GIGYF2: variants seen among roughly 807,000 people sequenced by gnomAD.
GIGYF2 encodes GRB10-interacting GYF protein 2.
In GIGYF2, 25 loss-of-function variants were observed where a neutral mutation model predicts 208.1. The ratio of observed to expected loss-of-function variants is 0.12; its 90% confidence interval spans 0.09 to 0.17. The LOEUF is 0.17. Ranked by LOEUF, GIGYF2 falls within the 10% of genes least tolerant of loss-of-function variation. The probability of loss-of-function intolerance (pLI) is 1.00; values close to 1 mark genes in which losing one functional copy is unlikely to be tolerated. For synonymous variants in GIGYF2, 534 were observed against 543.8 expected (o/e 0.98, Z 0.25); for missense variants, 1,302 against 1,579.4 (o/e 0.82, Z 2.98).
intron 19 of GIGYF2, among the ~76,000 whole-genome samples, 174 bp from the exon 20 acceptor site, chr2:232,816,697 T>G (rs1414307024): frequency 6.6e-6 from 1 of 152,218 alleles, no homozygotes; most frequent in African/African-American, 2.4e-5. Flanking sequence ...AGTATTAATA[T>G]TCCATTGTAT....
At chr2:232,700,114 C>T (rs1278043869) in intron 1 of GIGYF2, among the ~76,000 whole-genome samples, 1 of 152,108 alleles carries the variant, frequency 6.6e-6, no homozygotes, top group Non-Finnish European at 1.5e-5. Context: ...ATGTGAAAAA[C>T]ACTTTGGAGT....
chr2:232,807,370 G>A (rs1028100667), intron 15 of GIGYF2, among the ~76,000 whole-genome samples: 1 of 152,048 alleles, frequency 6.6e-6, no homozygotes, highest in Admixed American at 6.6e-5. Context: ...TCTACAAATA[G>A]TAATGAAATA....
intron 14 of GIGYF2, among the ~76,000 whole-genome samples, chr2:232,803,162 A>G (rs1222863478): frequency 6.6e-6 from 1 of 152,206 alleles, no homozygotes; most frequent in East Asian, 1.9e-4. Flanking sequence ...AACTGCTGGG[A>G]TTACTGGCGT....
intron 2 of GIGYF2, among the ~76,000 whole-genome samples, chr2:232,704,804 A>G (rs888958359): frequency 1.3e-5 from 2 of 151,366 alleles, no homozygotes; most frequent in Non-Finnish European, 2.9e-5. Context: ...TTCATGTGGA[A>G]AATTTCATTG....
intron 21 of GIGYF2, among the ~76,000 whole-genome samples, chr2:232,826,712 T>C (rs961241812): frequency 5.3e-5 from 8 of 152,234 alleles, no homozygotes; most frequent in African/African-American, 1.9e-4. Flanking sequence ...CATCAAAAAG[T>C]GGGCAAAGGA....
chr2:232,781,700 A>T (rs1170630727), intron 8 of GIGYF2, among the ~76,000 whole-genome samples: 2 of 152,112 alleles, frequency 1.3e-5, no homozygotes, highest in Non-Finnish European at 2.9e-5. Context: ...CCACCCTTTT[A>T]GCTTGTTATA....
intron 8 of GIGYF2, among the ~76,000 whole-genome samples, chr2:232,763,986 A>G (rs1308356706): frequency 1.3e-5 from 2 of 152,268 alleles, no homozygotes; most frequent in Non-Finnish European, 2.9e-5. Context: ...TCATTTATTC[A>G]TTCAACAAAT....
At chr2:232,814,404 TAAA>T (rs961830265) in intron 18 of GIGYF2, among the ~76,000 whole-genome samples, 1 of 150,242 alleles carries the variant, frequency 6.7e-6, no homozygotes, top group Admixed American at 6.6e-5. Context: ...CTACTAAAAA[TAAA>T]AAAAAATTAG....
chr2:232,787,429 T>G, intron 9 of GIGYF2, 100 bp downstream of exon 9: 1 of 981,150 alleles, frequency 1.0e-6, no homozygotes, highest in Non-Finnish European at 1.6e-6. Flanking sequence ...TTAAAAAATG[T>G]GGGGGTGGAT....
chr2:232,836,822 A>C (rs1479897673), intron 22 of GIGYF2, among the ~76,000 whole-genome samples: 1 of 152,028 alleles, frequency 6.6e-6, no homozygotes, highest in Non-Finnish European at 1.5e-5. Flanking sequence ...GTTTCTGAAA[A>C]CACCATTAGG....
At chr2:232,848,383 C>G (rs954270985) in intron 27 of GIGYF2, among the ~76,000 whole-genome samples, 1 of 152,198 alleles carries the variant, frequency 6.6e-6, no homozygotes, top group African/African-American at 2.4e-5. Context: ...TGTCCGTAAT[C>G]CCAGCACTTT....
At chr2:232,774,527 A>G (rs1235735947) in intron 8 of GIGYF2, among the ~76,000 whole-genome samples, 2 of 152,226 alleles carry the variant, frequency 1.3e-5, no homozygotes, top group Non-Finnish European at 2.9e-5. Flanking sequence ...AGACAATTTT[A>G]CAAGTATAAT....
intron 18 of GIGYF2, among the ~76,000 whole-genome samples, chr2:232,813,002 G>GAA (rs796832468): frequency 1.6e-5 from 2 of 126,882 alleles, no homozygotes; most frequent in African/African-American, 5.6e-5. Context: ...CTCTAAGAAA[G>GAA]AAAAAAAAAA....
chr2:232,805,939 C>T (rs764966793), intron 14 of GIGYF2, among the ~76,000 whole-genome samples: 3 of 152,108 alleles, frequency 2.0e-5, no homozygotes, highest in Non-Finnish European at 2.9e-5. Context: ...GGTTTTTAAT[C>T]AGAGTGAATT....
intron 28 of GIGYF2, among the ~76,000 whole-genome samples, chr2:232,852,167 A>G (rs1172933388): frequency 1.3e-5 from 2 of 152,336 alleles, no homozygotes; most frequent in Middle Eastern, 3.4e-3. Context: ...TACCCTTGGT[A>G]GGATTCTCTC....
chr2:232,716,374 G>GTTTTTTTTTT (rs397988241), intron 2 of GIGYF2, among the ~76,000 whole-genome samples: 41 of 100,262 alleles, frequency 4.1e-4, no homozygotes, highest in Non-Finnish European at 5.3e-4. Context: ...GGTGTTATTT[G>GTTTTTTTTTT]TTTTTTTTTT....
At position 232,847,541 on chromosome 2, in the gene GIGYF2, ACAGCAGCCG is replaced by A. The variant is rs1702061283; in HGVS notation, c.3656_3664del (p.Gln1219_Pro1221del). ...CACAGCAGCAGCAGCAGCAGCCGCC[ACAGCAGCCG>A]CCACAGCAGCCACAACAGCAGGTAT... On this transcript the variant is annotated inframe_deletion, in exon 27 of 29. Coordinates refer to ENST00000373563, the MANE Select transcript of GIGYF2 (RefSeq NM_001103146.3). 6 of 1,602,490 alleles carry A rather than the reference ACAGCAGCCG, an allele frequency of 3.7e-6. No individual in the cohort carries two copies. The highest frequency in any genetic ancestry group is 4.5e-5 in the East Asian group (2 of 44,626).
intron 5 of GIGYF2, among the ~76,000 whole-genome samples, chr2:232,751,672 T>G (rs1026908349): frequency 2.0e-5 from 3 of 152,172 alleles, no homozygotes; most frequent in African/African-American, 7.2e-5. Flanking sequence ...TCTTAGAGAC[T>G]AAATATATCA....
chr2:232,727,244 A>G (rs542720185), intron 2 of GIGYF2, among the ~76,000 whole-genome samples: 1 of 152,244 alleles, frequency 6.6e-6, no homozygotes, highest in South Asian at 2.1e-4. Context: ...TGGGATTACA[A>G]CATGAGCCAC....
Sources: allele counts gnomAD v4.1 joint callset (sites outside exome capture counted in the v4.1 genomes callset), GRCh38; gene constraint gnomAD v4.1.1; transcripts MANE v1.5; gene names NCBI Gene and HGNC (gene_info 2026-07-23, HGNC 2026-07-21).